NRG1: variants seen among roughly 807,000 people sequenced by gnomAD.
NRG1 encodes neuregulin 1, also known as pro-neuregulin-1, membrane-bound isoform.
In NRG1, 18 loss-of-function variants were observed where a neutral mutation model predicts 63.8. That is an observed-to-expected ratio of 0.28 (90% CI 0.19 to 0.42). The LOEUF is 0.42. Ranked by LOEUF, NRG1 falls within the 10% of genes least tolerant of loss-of-function variation. NRG1 has a pLI of 1.00. For synonymous variants in NRG1, 302 were observed against 301.3 expected (o/e 1.00, Z -0.02); for missense variants, 762 against 814.7 (o/e 0.94, Z 0.79).
chr8:32,543,009 T>C (rs576499886), intron 1 of NRG1, among the ~76,000 whole-genome samples: 2 of 152,272 alleles, frequency 1.3e-5, no homozygotes, highest in South Asian at 2.1e-4. Flanking sequence ...CATTGATTGA[T>C]AGAAAATGGT....
chr8:32,664,416 G>A (rs1433568973), intron 5 of NRG1, among the ~76,000 whole-genome samples: 2 of 152,052 alleles, frequency 1.3e-5, no homozygotes, highest in African/African-American at 4.8e-5. Context: ...TGATGGGTGT[G>A]GTTATTTCAG....
chr8:31,817,278 T>C (rs1336137928), intron 1 of NRG1, among the ~76,000 whole-genome samples: 2 of 152,226 alleles, frequency 1.3e-5, no homozygotes, highest in African/African-American at 2.4e-5. Context: ...CTCTGTCTTT[T>C]TCTGCTGTCT....
chr8:32,744,180 T>G (rs775705110), intron 7 of NRG1, among the ~76,000 whole-genome samples: 18 of 152,180 alleles, frequency 1.2e-4, no homozygotes, highest in Non-Finnish European at 2.4e-4. Context: ...AATAAGTTTC[T>G]GTAATTCCTG....
At chr8:32,260,049 G>T (rs1444833885) in intron 1 of NRG1, among the ~76,000 whole-genome samples, 2 of 151,992 alleles carry the variant, frequency 1.3e-5, no homozygotes, top group Non-Finnish European at 2.9e-5. Flanking sequence ...ACACTTCTCT[G>T]CCCCAACTTG....
intron 10 of NRG1, 36 bp downstream of exon 10, chr8:32,759,472 A>G (rs1012827607): frequency 2.5e-6 from 4 of 1,607,032 alleles, no homozygotes; most frequent in Non-Finnish European, 3.4e-6. Context: ...CTTTTCTCTC[A>G]GAATGAATTG....
Position 31,640,789 on chromosome 8 carries a change from C to G in NRG1, c.37+1358C>G. 1 of 1,437,822 alleles carries G rather than the reference C, an allele frequency of 7.0e-7. No individual in the cohort carries two copies. The highest frequency in any genetic ancestry group is 9.1e-7 in the Non-Finnish European group (1 of 1,095,702). 89.1% of individuals were successfully genotyped at this position (1,437,822 alleles called of 1,614,324 possible). Reference sequence around the variant, plus strand: ...GCGAGGAGGGCGCATCCCGGGCGCGCGGGCAGCGGGGCTCGACGGCCGCCC... The same window carrying G: ...GCGAGGAGGGCGCATCCCGGGCGCGGGGGCAGCGGGGCTCGACGGCCGCCC... On this transcript the variant is annotated intron_variant, in intron 1 of 10. Transcript: ENST00000519301. The surrounding 1 kb of genome is among the most constrained non-coding windows in gnomAD (Gnocchi z 6.3).
chr8:31,818,278 C>G (rs148393565), intron 1 of NRG1, among the ~76,000 whole-genome samples: 1 of 152,260 alleles, frequency 6.6e-6, no homozygotes, highest in East Asian at 1.9e-4. Flanking sequence ...TTTCTGGGTT[C>G]ATGATGGATT....
At chr8:32,555,792 C>T (rs11991474) in intron 1 of NRG1, among the ~76,000 whole-genome samples, 59,131 of 152,144 alleles carry the variant, frequency 0.39, 12,682 homozygotes, top group Admixed American at 0.48. Context: ...TTAATATGGT[C>T]ACACAGGCCT....
chr8:32,572,856 A>G (rs1028975807), intron 1 of NRG1, among the ~76,000 whole-genome samples: 3 of 152,190 alleles, frequency 2.0e-5, no homozygotes, highest in Non-Finnish European at 4.4e-5. Context: ...GAAGGAAATC[A>G]TCATCAAATA....
At chr8:31,940,332 T>G (rs1801567635) in intron 1 of NRG1, among the ~76,000 whole-genome samples, 1 of 152,024 alleles carries the variant, frequency 6.6e-6, no homozygotes, top group Non-Finnish European at 1.5e-5. Context: ...AGATGGAAAT[T>G]AAAAAATTAT....
At chr8:31,892,641 G>T (rs953772141) in intron 1 of NRG1, among the ~76,000 whole-genome samples, 10 of 151,950 alleles carry the variant, frequency 6.6e-5, no homozygotes, top group African/African-American at 2.2e-4. Flanking sequence ...TATCTCTGGG[G>T]GTTTGATAAT....
At chr8:32,020,293 T>G (rs1586525099) in intron 1 of NRG1, among the ~76,000 whole-genome samples, 2 of 152,358 alleles carry the variant, frequency 1.3e-5, no homozygotes, top group East Asian at 3.8e-4. Flanking sequence ...ACTATAATTG[T>G]TATTATTATA....
At chr8:32,744,870 A>G (rs1827136020) in intron 7 of NRG1, among the ~76,000 whole-genome samples, 3 of 152,146 alleles carry the variant, frequency 2.0e-5, no homozygotes, top group South Asian at 4.1e-4. Flanking sequence ...AATAACCACT[A>G]TGTTTTTGTG....
At chr8:32,753,497 C>G (rs143468685) in intron 7 of NRG1, among the ~76,000 whole-genome samples, 2 of 152,284 alleles carry the variant, frequency 1.3e-5, no homozygotes, top group East Asian at 3.9e-4. Flanking sequence ...CCAAGTTGGC[C>G]AACGTAGGAA....
intron 1 of NRG1, among the ~76,000 whole-genome samples, chr8:31,959,894 A>G (rs1004198186): frequency 1.1e-4 from 17 of 151,106 alleles, no homozygotes; most frequent in African/African-American, 4.1e-4. Flanking sequence ...CCTGGCCCCA[A>G]GTGATCCCTC....
chr8:32,155,836 C>A (rs530941947), intron 1 of NRG1, among the ~76,000 whole-genome samples: 2 of 152,266 alleles, frequency 1.3e-5, no homozygotes, highest in African/African-American at 2.4e-5. Flanking sequence ...TTATTTCTTA[C>A]TTTTCTTTTG....
intron 1 of NRG1, among the ~76,000 whole-genome samples, chr8:32,451,255 T>C (rs1387100304): frequency 3.9e-5 from 6 of 152,222 alleles, no homozygotes; most frequent in Non-Finnish European, 5.9e-5. Context: ...ATCTGATTGC[T>C]TGATAACATG....
chr8:32,412,463 T>TATGTATATATATAC lies in NRG1; in HGVS notation c.38-183363_38-183362insGTATATATATACAT, dbSNP rs1563428932. On this transcript the variant is annotated intron_variant, in intron 1 of 10. Coordinates refer to the NRG1 transcript ENST00000519301. ...ATATATATATATATACATATATATATATATATATATATGAACAGATACATC... is the reference window on the plus strand; with the variant it reads ...ATATATATATATATACATATATATATATGTATATATATACATATATATATATGAACAGATACATC... Among the ~76,000 whole-genome samples the TATGTATATATATAC allele has an allele frequency of 1.8e-4, 21 of 115,248 alleles. 1 individual carries two copies. The highest frequency in any genetic ancestry group is 5.3e-4 in the African/African-American group (17 of 31,816). 75.6% of individuals were successfully genotyped at this position (115,248 alleles called of 152,430 possible).
At chr8:32,089,101 T>C (rs900448940) in intron 1 of NRG1, among the ~76,000 whole-genome samples, 3 of 152,180 alleles carry the variant, frequency 2.0e-5, no homozygotes, top group African/African-American at 4.8e-5. Flanking sequence ...TCTGTGCTCA[T>C]GTGCATGGAT....
Sources: gnomAD v4.1 joint callset for allele counts (sites outside exome capture counted in the v4.1 genomes callset) on GRCh38, gnomAD v4.1.1 for gene constraint, Gnocchi (gnomAD v3.1) non-coding constraint, MANE v1.5 for transcripts, NCBI Gene and HGNC (gene_info 2026-07-23, HGNC 2026-07-21) for gene names.